The following SMG6 variants were observed in gnomAD, a reference collection of about 807,000 sequenced individuals.
The protein encoded by SMG6 is telomerase-binding protein EST1A.
In SMG6, 66 loss-of-function variants were observed where a neutral mutation model predicts 142.2. The observed-to-expected ratio is 0.46, with a 90% CI of 0.38 to 0.57. The LOEUF (loss-of-function observed/expected upper bound fraction) is 0.57, where lower values mean the gene tolerates loss of function less well. Ranked by LOEUF, SMG6 falls within the 20% of genes least tolerant of loss-of-function variation. The probability of loss-of-function intolerance (pLI) is 0.00; values close to 1 mark genes in which losing one functional copy is unlikely to be tolerated. For synonymous variants in SMG6, 779 were observed against 702.4 expected, an observed-to-expected ratio of 1.11 and a Z score of -1.72; for missense variants, 1,793 against 1,832.0, an observed-to-expected ratio of 0.98 and a Z score of 0.39.
Position 2,247,090 on chromosome 17 carries a change from A to C in SMG6, c.2662-2371T>G, listed in dbSNP as rs2073943970. Among the ~76,000 whole-genome samples, 3 of 152,244 alleles carry C rather than the reference A, an allele frequency of 2.0e-5. No individual in the cohort carries two copies. In the South Asian group the frequency reaches 6.2e-4, roughly 31 times the overall value. On this transcript the variant is annotated intron_variant, in intron 8 of 18. Transcript: ENST00000263073. The stretch of plus-strand genomic sequence containing the variant: ...TCTCTAGATTTCCTAGTAGAGGAAG[A>C]TGGTGAGAAACAGGGACCTTCCCAT...
intron 16 of SMG6, chr17:2,066,059 C>T (rs1482697453): frequency 3.3e-5 from 8 of 242,580 alleles, no homozygotes; most frequent in South Asian, 5.9e-5. Context: ...GAAAGGGAGG[C>T]GTCCTTCCTT....
intron 10 of SMG6, among the ~76,000 whole-genome samples, chr17:2,201,257 A>C (rs1389263833): frequency 6.6e-6 from 1 of 152,250 alleles, no homozygotes; most frequent in East Asian, 1.9e-4. Flanking sequence ...GCTCAACATT[A>C]CTAATCATTA....
chr17:2,223,318 G>A (rs1268550173), intron 10 of SMG6, among the ~76,000 whole-genome samples: 1 of 152,198 alleles, frequency 6.6e-6, no homozygotes, highest in Non-Finnish European at 1.5e-5. Context: ...TTGGCACTTG[G>A]GGCAAAGGGA....
chr17:2,259,951 A>G (rs1193425516), intron 8 of SMG6, among the ~76,000 whole-genome samples: 3 of 152,180 alleles, frequency 2.0e-5, no homozygotes, highest in Non-Finnish European at 4.4e-5. Context: ...TAACCAGCAC[A>G]CAGGGAGCTT....
At chr17:2,256,323 T>C (rs2074178769) in intron 8 of SMG6, among the ~76,000 whole-genome samples, 1 of 151,794 alleles carries the variant, frequency 6.6e-6, no homozygotes, top group Non-Finnish European at 1.5e-5. Flanking sequence ...CCACTGGCAA[T>C]GGAAACACAG....
At chr17:2,065,986 T>G (rs557586801) in intron 16 of SMG6, 1 of 414,528 alleles carries the variant, frequency 2.4e-6, no homozygotes, top group African/African-American at 2.0e-5. Context: ...ATTGCATTCC[T>G]TGGTTACAGG....
At chr17:2,091,764 G>A (rs577543444) in intron 13 of SMG6, among the ~76,000 whole-genome samples, 31 of 150,344 alleles carry the variant, frequency 2.1e-4, no homozygotes, top group Non-Finnish European at 3.2e-4. Context: ...TCTGCCTCCC[G>A]CGTTCACGCC....
chr17:2,247,073 T>C lies in SMG6; in HGVS notation c.2662-2354A>G, dbSNP rs190501595. Among the ~76,000 whole-genome samples the C allele has an allele frequency of 2.8e-3, 427 of 152,334 alleles. 2 individuals are homozygous for C. Among genetic ancestry groups the C allele is most frequent in the Non-Finnish European group, 3.2e-3 (217 of 68,038 alleles). The stretch of plus-strand genomic sequence containing the variant: ...CCTGGCCAGAATGCAGATCTCTAGA[T>C]TTCCTAGTAGAGGAAGATGGTGAGA... On this transcript the variant is annotated intron_variant, in intron 8 of 18. Transcript: ENST00000263073.
At chr17:2,261,011 A>G (rs1045901776) in intron 8 of SMG6, among the ~76,000 whole-genome samples, 12 of 143,724 alleles carry the variant, frequency 8.3e-5, no homozygotes, top group Non-Finnish European at 1.4e-4. Context: ...TATATTTAAG[A>G]AAAAAGAAAA....
intron 4 of SMG6, among the ~76,000 whole-genome samples, chr17:2,294,353 T>C (rs776978858): frequency 3.5e-4 from 54 of 152,210 alleles, no homozygotes; most frequent in Non-Finnish European, 6.2e-4. Flanking sequence ...CTTTGTCATG[T>C]TGGTAAGAGA....
intron 8 of SMG6, among the ~76,000 whole-genome samples, chr17:2,266,505 TGA>T (rs982849817): frequency 2.6e-5 from 4 of 152,184 alleles, no homozygotes; most frequent in Non-Finnish European, 4.4e-5. Flanking sequence ...AAGTGACTAC[TGA>T]GAGAGGTTTC....
At chr17:2,096,070 CTCTT>C (rs1158103272) in intron 13 of SMG6, among the ~76,000 whole-genome samples, 2 of 152,014 alleles carry the variant, frequency 1.3e-5, no homozygotes, top group Non-Finnish European at 2.9e-5. Context: ...TTTCTTTTTT[CTCTT>C]TTTTTTGAAA....
At chr17:2,206,386 A>G (rs2072681865) in intron 10 of SMG6, among the ~76,000 whole-genome samples, 1 of 151,894 alleles carries the variant, frequency 6.6e-6, no homozygotes, top group Non-Finnish European at 1.5e-5. Context: ...AGCCTGGGCA[A>G]CATAGTGAGA....
At chr17:2,180,925 C>T (rs1471135665) in intron 12 of SMG6, among the ~76,000 whole-genome samples, 4 of 152,180 alleles carry the variant, frequency 2.6e-5, no homozygotes. Flanking sequence ...CCAATGAAAG[C>T]ATGCCAAGAA....
intron 8 of SMG6, among the ~76,000 whole-genome samples, chr17:2,247,929 T>TAAACAAACAAAC (rs374727108): frequency 1.3e-5 from 2 of 151,552 alleles, no homozygotes; most frequent in African/African-American, 4.9e-5. Flanking sequence ...CAGTATCTGT[T>TAAACAAACAAAC]AAACAAACAA....
chr17:2,293,095 C>G (rs1393873038), intron 4 of SMG6, 118 bp from the exon 5 acceptor site: 2 of 719,090 alleles, frequency 2.8e-6, no homozygotes, highest in African/African-American at 3.5e-5. Flanking sequence ...CGGTCCTCAA[C>G]AAAGTATAAA....
chr17:2,063,744 G>C (rs1180048790), intron 18 of SMG6, among the ~76,000 whole-genome samples: 1 of 152,232 alleles, frequency 6.6e-6, no homozygotes, highest in Non-Finnish European at 1.5e-5. Flanking sequence ...GGGAGGGAGA[G>C]GCTTGTGGGG....
At chr17:2,111,014 T>C (rs1056253125) in intron 13 of SMG6, among the ~76,000 whole-genome samples, 6 of 152,214 alleles carry the variant, frequency 3.9e-5, no homozygotes, top group Non-Finnish European at 5.9e-5. Flanking sequence ...GAGGAGCTCG[T>C]AGAGCCTCAC....
chr17:2,223,234 G>C (rs1162612725), intron 10 of SMG6, among the ~76,000 whole-genome samples: 1 of 152,244 alleles, frequency 6.6e-6, no homozygotes. Flanking sequence ...AGTGTGAACA[G>C]CACGTGTCCG....
Sources: gnomAD v4.1 joint callset for allele counts (sites outside exome capture counted in the v4.1 genomes callset) on GRCh38, gnomAD v4.1.1 for gene constraint, MANE v1.5 for transcripts, NCBI Gene and HGNC (gene_info 2026-07-23, HGNC 2026-07-21) for gene names.